Variants in CWH43 observed in about 807,000 individuals in gnomAD.
The protein encoded by CWH43 is PGAP2-interacting protein.
CWH43 carries 91 observed loss-of-function variants against 85.7 expected under a neutral mutation model. The observed-to-expected ratio is 1.06, with a 90% CI of 0.90 to 1.26. The LOEUF is 1.26. Among genes scored for constraint, CWH43 ranks in the 50% most tolerant of loss-of-function variants. The probability of loss-of-function intolerance (pLI) is 0.00; values close to 1 mark genes in which losing one functional copy is unlikely to be tolerated. For missense variants in CWH43, 869 were observed against 839.2 expected, an observed-to-expected ratio of 1.04 and a Z score of -0.44; for synonymous variants, 323 against 293.6, an observed-to-expected ratio of 1.10 and a Z score of -1.02.
chr4:49,025,941 C>T (rs1463230768), intron 9 of CWH43, among the ~76,000 whole-genome samples: 2 of 152,010 alleles, frequency 1.3e-5, no homozygotes, highest in Admixed American at 6.6e-5. Flanking sequence ...CTTCAGCTAC[C>T]AGGGCCAGTA....
chr4:49,028,607 T>G (rs1215458930), intron 9 of CWH43, 22 bp from the exon 10 acceptor site: 1 of 1,572,674 alleles, frequency 6.4e-7, no homozygotes, highest in African/African-American at 1.4e-5. Flanking sequence ...CATCCTAAAC[T>G]ACCATTAAAA....
In CWH43 at chr4:49,061,865, T is replaced by C; in HGVS notation, c.2075T>C (p.Met692Thr). The part of the protein sequence containing the change: ...HNYENNHHFH[M>T]NTPKYFL ...TATGAAAACAACCATCATTTTCATA[T>C]GAATACTCCCAAATACTTTTTATGA... The change falls in exon 16 of 16, where the codon ATG becomes ACG. Residue 692 changes from methionine to threonine, a missense_variant. Coordinates refer to ENST00000226432, the MANE Select transcript of CWH43 (RefSeq NM_025087.3). The C allele has an allele frequency of 7.2e-7, 1 of 1,389,772 alleles. No individual in the cohort carries two copies. The highest frequency in any genetic ancestry group is 1.4e-5 in the South Asian group (1 of 69,526). 86.1% of individuals were successfully genotyped at this position (1,389,772 alleles called of 1,614,324 possible). A position where few individuals can be genotyped will look rare whatever the true frequency, so the allele number is the denominator to read the frequency against.
At chr4:49,045,460 C>A (rs1454166022) in intron 14 of CWH43, among the ~76,000 whole-genome samples, 1 of 152,148 alleles carries the variant, frequency 6.6e-6, no homozygotes. Context: ...ACCACATCTA[C>A]AATGGTAGTT....
intron 6 of CWH43, among the ~76,000 whole-genome samples, chr4:48,999,948 G>A (rs1339677189): frequency 6.6e-6 from 1 of 152,116 alleles, no homozygotes; most frequent in Non-Finnish European, 1.5e-5. Flanking sequence ...TCTTTGTGAA[G>A]AGGAGGGAGC....
At position 49,061,881 on chromosome 4, in the gene CWH43, C is replaced by A; in HGVS notation, c.2091C>A (p.Tyr697Ter). 4 of 1,375,412 alleles carry A rather than the reference C, an allele frequency of 2.9e-6. No individual in the cohort carries two copies. The highest frequency in any genetic ancestry group is 3.9e-6 in the Non-Finnish European group (4 of 1,034,148). 85.2% of individuals were successfully genotyped at this position (1,375,412 alleles called of 1,614,324 possible). The change falls in exon 16 of 16, where the codon TAC (tyrosine) becomes TAA (stop). Residue 697 changes from tyrosine to a stop codon, truncating the protein, a stop_gained. Transcript: ENST00000226432. LOFTEE classifies it high-confidence loss of function. ...ATTTTCATATGAATACTCCCAAATA[C>A]TTTTTATGAAACATTTAAAACAAGA... ...NHHFHMNTPK[Y>*]FL
intron 8 of CWH43, among the ~76,000 whole-genome samples, chr4:49,016,079 C>T (rs1195108599): frequency 1.3e-5 from 2 of 151,994 alleles, no homozygotes; most frequent in African/African-American, 4.8e-5. Flanking sequence ...CTTATTTTTA[C>T]TTTAAGCTCA....
In CWH43 at chr4:48,986,404, G is replaced by A. The variant is rs1473704122; in HGVS notation, c.-26G>A. 9 of 1,548,576 alleles carry A rather than the reference G, an allele frequency of 5.8e-6. No individual in the cohort carries two copies. The highest frequency in any genetic ancestry group is 4.8e-5 in the South Asian group (4 of 83,712). On this transcript the variant is annotated 5_prime_UTR_variant, in exon 1 of 16. Coordinates refer to ENST00000226432, the MANE Select transcript of CWH43 (RefSeq NM_025087.3). Reference sequence around the variant, plus strand: ...CGGGCCCGACCCGCACGGCTTTCCTGGAAAGCGCTGCCCCTCGCCGCGGCG... The same window carrying A: ...CGGGCCCGACCCGCACGGCTTTCCTAGAAAGCGCTGCCCCTCGCCGCGGCG...
At position 49,028,714 on chromosome 4, in the gene CWH43, C is replaced by T. The variant is rs1215811602; in HGVS notation, c.1352C>T (p.Ala451Val). 6.2e-7 allele frequency: 1 copy of T among 1,609,472 alleles called. No homozygotes were observed. The highest frequency in any genetic ancestry group is 8.5e-7 in the Non-Finnish European group (1 of 1,176,282). ...GGGTGGTCTAGTCTAGAAAGATCAG[C>T]TCACCTGCTCAATGAAACAGGTAAG... is the stretch of plus-strand genomic sequence containing the variant. ...NEGWSSLERSAHLLNETGADF... is the reference protein window; with the variant it reads ...NEGWSSLERSVHLLNETGADF... The change falls in exon 10 of 16, where the codon GCT becomes GTT. Residue 451 changes from alanine to valine, a missense_variant. By Grantham distance (64) the Ala-to-Val change is moderately conservative (BLOSUM62 0). This residue lies in a region of CWH43 where 577 missense variants were observed against 513.1 expected (regional missense o/e 1.12). Coordinates refer to ENST00000226432, the MANE Select transcript of CWH43 (RefSeq NM_025087.3).
chr4:48,998,754 C>T (rs115610972), intron 6 of CWH43, among the ~76,000 whole-genome samples: 3,072 of 152,224 alleles, frequency 0.02, 46 homozygotes, highest in African/African-American at 0.05. Flanking sequence ...CTCCTACCTC[C>T]GCCTCCCCCT....
chr4:49,022,505 G>GT (rs1202323262), intron 9 of CWH43, among the ~76,000 whole-genome samples: 2 of 152,096 alleles, frequency 1.3e-5, no homozygotes, highest in Non-Finnish European at 2.9e-5. Context: ...TTGGTCTGTA[G>GT]TTTTCTTTTT....
At chr4:49,025,637 C>A (rs1317745634) in intron 9 of CWH43, among the ~76,000 whole-genome samples, 4 of 152,196 alleles carry the variant, frequency 2.6e-5, no homozygotes, top group Non-Finnish European at 4.4e-5. Flanking sequence ...GATCTAGCTA[C>A]CCAGCAGAGC....
In CWH43 at chr4:49,007,199, A is replaced by G. The variant is rs1223580721; in HGVS notation, c.1061-2A>G. 4 of 1,604,516 alleles carry G rather than the reference A, an allele frequency of 2.5e-6. No individual in the cohort carries two copies. Among genetic ancestry groups the G allele is most frequent in the Non-Finnish European group, 3.4e-6 (4 of 1,176,964 alleles). On this transcript the variant is annotated splice_acceptor_variant, in intron 7 of 15. Coordinates refer to ENST00000226432, the MANE Select transcript of CWH43 (RefSeq NM_025087.3). LOFTEE classifies it high-confidence loss of function. ...ACATATTCTTTCTTTCTCTTATAAC[A>G]GGGACAATGATGTTAATTATCGGGC...
At chr4:49,020,819 G>C (rs1020074287) in intron 9 of CWH43, among the ~76,000 whole-genome samples, 1 of 152,092 alleles carries the variant, frequency 6.6e-6, no homozygotes, top group Non-Finnish European at 1.5e-5. Flanking sequence ...GTGATGTTGA[G>C]CATTTTTCCA....
At position 49,053,699 on chromosome 4, in the gene CWH43, A is replaced by G. The variant is rs1784867075; in HGVS notation, c.2021+2850A>G. ...TTTGGATATTAGCCGTTTATCATAT[A>G]TAGGTTGAACATCTCAAGTAAAAAA... On this transcript the variant is annotated intron_variant, in intron 15 of 15. Transcript: ENST00000226432. 2.6e-5 allele frequency among the ~76,000 whole-genome samples: 4 copies of G among 152,302 alleles called. No individual in the cohort carries two copies. In the South Asian group the frequency reaches 8.3e-4, roughly 32 times the overall value.
chr4:48,997,742 G>T (rs1782857242), intron 5 of CWH43, among the ~76,000 whole-genome samples: 1 of 152,092 alleles, frequency 6.6e-6, no homozygotes, highest in Admixed American at 6.6e-5. Context: ...TCTGCAAAAT[G>T]GGGATAATAT....
In CWH43 at chr4:49,038,045, C is replaced by T. The variant is rs1784313728; in HGVS notation, c.1668C>T (p.Leu556=). 4.4e-6 allele frequency: 7 copies of T among 1,598,164 alleles called. No homozygotes were observed. Among genetic ancestry groups the T allele is most frequent in the Admixed American group, 3.6e-5 (2 of 55,690 alleles). The change falls in exon 13 of 16, where the codon CTC becomes CTT. Residue 556 remains leucine (L), a synonymous_variant. Coordinates refer to ENST00000226432, the MANE Select transcript of CWH43 (RefSeq NM_025087.3). ...TTTTTACATTTTTTAGAGATGACCT[C>T]GACAGGAAACTGCAGGCTATTGCTG... ...VTHFGNHEDD[L]DRKLQAIAVS...
chr4:48,998,475 G>C lies in CWH43; in HGVS notation c.729G>C (p.Leu243=). The C allele has an allele frequency of 6.2e-7, 1 of 1,613,748 alleles. No homozygotes were observed. The highest frequency in any genetic ancestry group is 8.5e-7 in the Non-Finnish European group (1 of 1,179,700). The change falls in exon 6 of 16, where the codon CTG becomes CTC. Residue 243 remains leucine, a synonymous_variant. Coordinates refer to ENST00000226432, the MANE Select transcript of CWH43 (RefSeq NM_025087.3). ...DPNPFGGAVL[L]CLASGLMLPS... The stretch of plus-strand genomic sequence containing the variant: ...TTTTTCACAGAGGTGCAGTACTGCT[G>C]TGCTTGGCAAGTGGATTGATGCTTC...
At chr4:49,055,339 A>T (rs1784916750) in intron 15 of CWH43, among the ~76,000 whole-genome samples, 1 of 152,186 alleles carries the variant, frequency 6.6e-6, no homozygotes, top group Non-Finnish European at 1.5e-5. Context: ...CTATCCTTGC[A>T]TCCCAAGGAA....
chr4:49,057,620 G>T (rs972120245), intron 15 of CWH43, among the ~76,000 whole-genome samples: 2 of 152,110 alleles, frequency 1.3e-5, no homozygotes, highest in African/African-American at 4.8e-5. Flanking sequence ...CTCTATGTAT[G>T]TTAGGTCGAT....
Sources: gnomAD v4.1 joint callset for allele counts (sites outside exome capture counted in the v4.1 genomes callset) on GRCh38, gnomAD v4.1.1 for gene constraint, gnomAD v4.1.1 regional missense constraint, MANE v1.5 for transcripts, NCBI Gene and HGNC (gene_info 2026-07-23, HGNC 2026-07-21) for gene names.